IMPG1: variants seen among roughly 807,000 people sequenced by gnomAD.
The protein encoded by IMPG1 is interphotoreceptor matrix proteoglycan 1.
IMPG1 carries 85 observed loss-of-function variants against 92.0 expected under a neutral mutation model. The observed-to-expected ratio is 0.92, with a 90% CI of 0.78 to 1.11. The LOEUF (loss-of-function observed/expected upper bound fraction) is 1.11, where lower values mean the gene tolerates loss of function less well. IMPG1 is among the 50% of genes least tolerant of loss of function. The probability of loss-of-function intolerance (pLI) is 0.00; values close to 1 mark genes in which losing one functional copy is unlikely to be tolerated. For missense variants in IMPG1, 1,022 were observed against 956.0 expected, an observed-to-expected ratio of 1.07 and a Z score of -0.91; for synonymous variants, 367 against 334.1, an observed-to-expected ratio of 1.10 and a Z score of -1.08.
intron 1 of IMPG1, among the ~76,000 whole-genome samples, chr6:76,068,081 G>A (rs924061226): frequency 2.0e-5 from 3 of 152,060 alleles, no homozygotes; most frequent in Admixed American, 6.6e-5. Context: ...AGCTAACATC[G>A]TACCGAATGG....
At chr6:76,052,801 C>T (rs1784064822) in intron 1 of IMPG1, among the ~76,000 whole-genome samples, 1 of 152,024 alleles carries the variant, frequency 6.6e-6, no homozygotes, top group South Asian at 2.1e-4. Flanking sequence ...TGCATTATCA[C>T]TTTGAAAAAA....
rs1251191469 is a variant in IMPG1 at position 75,921,125 on chromosome 6, CTT to C, written c.*962_*963del. 2 of 152,106 alleles carry C rather than the reference CTT, an allele frequency of 1.3e-5. No homozygotes were observed. Among genetic ancestry groups the C allele is most frequent in the African/African-American group, 4.8e-5 (2 of 41,416 alleles). 9.4% of individuals were successfully genotyped at this position (152,106 alleles called of 1,614,324 possible). A position where few individuals can be genotyped will look rare whatever the true frequency, so the allele number is the denominator to read the frequency against. ...CATTAAAAAACCTATGAGTATATCA[CTT>C]TTACTTTATTGAAATTAAGGTTTGT... On this transcript the variant is annotated 3_prime_UTR_variant, in exon 17 of 17. Transcript: ENST00000369950.
intron 6 of IMPG1, among the ~76,000 whole-genome samples, chr6:76,021,363 G>A (rs1181334778): frequency 6.6e-6 from 1 of 152,086 alleles, no homozygotes; most frequent in Non-Finnish European, 1.5e-5. Flanking sequence ...GCTTCACCCT[G>A]ACAACCTTGG....
chr6:76,065,815 A>C (rs1784299830), intron 1 of IMPG1, among the ~76,000 whole-genome samples: 1 of 152,116 alleles, frequency 6.6e-6, no homozygotes, highest in Non-Finnish European at 1.5e-5. Flanking sequence ...AAAAATCCTA[A>C]AATCAGCAAG....
At chr6:75,999,357 T>C (rs2149475782) in intron 12 of IMPG1, among the ~76,000 whole-genome samples, 1 of 152,346 alleles carries the variant, frequency 6.6e-6, no homozygotes, top group African/African-American at 2.4e-5. Context: ...AAAGATTTCT[T>C]TGAGTGCTTT....
chr6:76,057,393 C>G lies in IMPG1; in HGVS notation c.67+15029G>C, dbSNP rs147398092. ...CAGTGGGGACCGGGGTGCTTGTGCA[C>G]CAGAGGTTGGGATGTGCAGTGGGGA... On this transcript the variant is annotated intron_variant, in intron 1 of 16. Coordinates refer to ENST00000369950, the MANE Select transcript of IMPG1 (RefSeq NM_001563.4). Among the ~76,000 whole-genome samples the G allele has an allele frequency of 3.6e-3, 542 of 152,124 alleles. 4 individuals are homozygous for G. The highest frequency in any genetic ancestry group is 0.012 in the African/African-American group (489 of 41,510).
At chr6:76,055,572 G>T (rs1211223632) in intron 1 of IMPG1, among the ~76,000 whole-genome samples, 1 of 151,440 alleles carries the variant, frequency 6.6e-6, no homozygotes, top group African/African-American at 2.4e-5. Flanking sequence ...AAATGTGAAA[G>T]AGATCATAAA....
intron 10 of IMPG1, 58 bp from the exon 11 acceptor site, chr6:76,004,008 G>T: frequency 3.7e-6 from 5 of 1,350,258 alleles, no homozygotes; most frequent in Non-Finnish European, 4.2e-6. Flanking sequence ...TTGTGGTTGG[G>T]ACAATAAAAC....
intron 1 of IMPG1, among the ~76,000 whole-genome samples, chr6:76,070,097 T>C (rs1382101862): frequency 6.6e-6 from 1 of 152,132 alleles, no homozygotes; most frequent in Non-Finnish European, 1.5e-5. Flanking sequence ...AATATACCTA[T>C]GTAACTAACC....
chr6:75,986,668 C>A (rs1024384457), intron 12 of IMPG1, among the ~76,000 whole-genome samples: 4 of 151,912 alleles, frequency 2.6e-5, no homozygotes, highest in African/African-American at 9.7e-5. Flanking sequence ...TGGAATATTA[C>A]CATAAACTGC....
At position 76,007,518 on chromosome 6, in the gene IMPG1, C is replaced by T; in HGVS notation, c.867-18G>A. ...TCTTTGGTCTTCATTTCATCATGCA[C>T]AATGGAAACATGAAAAAGAGAAAAA... On this transcript the variant is annotated intron_variant, in intron 8 of 16. Coordinates refer to ENST00000369950, the MANE Select transcript of IMPG1 (RefSeq NM_001563.4). 6.3e-7 allele frequency: 1 copy of T among 1,575,344 alleles called. No individual in the cohort carries two copies. The highest frequency in any genetic ancestry group is 8.6e-7 in the Non-Finnish European group (1 of 1,157,480).
At chr6:76,040,549 C>T (rs1206681229) in intron 2 of IMPG1, among the ~76,000 whole-genome samples, 3 of 152,206 alleles carry the variant, frequency 2.0e-5, no homozygotes, top group East Asian at 1.9e-4. Flanking sequence ...TGTCCACCAA[C>T]AAGCATTGGC....
intron 2 of IMPG1, among the ~76,000 whole-genome samples, chr6:76,038,475 A>G (rs1301986506): frequency 6.6e-6 from 1 of 152,112 alleles, no homozygotes; most frequent in East Asian, 1.9e-4. Flanking sequence ...CAGGAGGCAT[A>G]GACTCTTTCC....
At chr6:75,937,522 C>T (rs749354468) in intron 14 of IMPG1, among the ~76,000 whole-genome samples, 1 of 152,112 alleles carries the variant, frequency 6.6e-6, no homozygotes, top group Non-Finnish European at 1.5e-5. Context: ...ATAGTTTGAC[C>T]AGCAAAAGAC....
At chr6:76,017,194 T>C (rs1407999675) in intron 7 of IMPG1, among the ~76,000 whole-genome samples, 1 of 107,674 alleles carries the variant, frequency 9.3e-6, no homozygotes, top group Non-Finnish European at 1.8e-5. Context: ...ATGGTGAGGC[T>C]CAAAAAAAAA....
At chr6:76,021,977 G>C in intron 6 of IMPG1, 139 bp downstream of exon 6, 1 of 486,840 alleles carries the variant, frequency 2.1e-6, no homozygotes, top group Non-Finnish European at 4.0e-6. Flanking sequence ...ATAGAACAAA[G>C]TCACTGACTC....
chr6:75,963,588 G>A (rs894857761), intron 12 of IMPG1, among the ~76,000 whole-genome samples: 3 of 152,142 alleles, frequency 2.0e-5, no homozygotes, highest in African/African-American at 7.2e-5. Flanking sequence ...GAAAAGTGTC[G>A]GAATTGACTT....
At chr6:75,995,718 T>C (rs1444450568) in intron 12 of IMPG1, among the ~76,000 whole-genome samples, 1 of 152,258 alleles carries the variant, frequency 6.6e-6, no homozygotes, top group Non-Finnish European at 1.5e-5. Context: ...TGTTTTTAGA[T>C]TGGCTGTTAA....
chr6:76,017,409 C>T (rs1783309262), intron 7 of IMPG1, among the ~76,000 whole-genome samples: 1 of 151,864 alleles, frequency 6.6e-6, no homozygotes, highest in African/African-American at 2.4e-5. Context: ...CTCTTATCAC[C>T]CATGAAAAAT....
Sources: allele counts gnomAD v4.1 joint callset (sites outside exome capture counted in the v4.1 genomes callset), GRCh38; gene constraint gnomAD v4.1.1; transcripts MANE v1.5; gene names NCBI Gene and HGNC (gene_info 2026-07-23, HGNC 2026-07-21).